Variants in ZC3H12B observed in about 807,000 individuals in gnomAD.
The protein encoded by ZC3H12B is probable ribonuclease ZC3H12B.
A neutral mutation model predicts 43.9 loss-of-function variants in ZC3H12B; 7 were observed. That is an observed-to-expected ratio of 0.16 (90% CI 0.09 to 0.30). The LOEUF (loss-of-function observed/expected upper bound fraction) is 0.30, where lower values mean the gene tolerates loss of function less well. Ranked by LOEUF, ZC3H12B falls within the 10% of genes least tolerant of loss-of-function variation. The pLI is 1.00. For missense variants in ZC3H12B, 475 were observed against 670.2 expected (o/e 0.71, Z 3.22); for synonymous variants, 222 against 241.7 (o/e 0.92, Z 0.76).
chrX:65,098,260 A>AC, the ZC3H12B span, among the ~76,000 whole-genome samples: 1 of 109,391 alleles, frequency 9.1e-6, no homozygotes, highest in African/African-American at 3.4e-5. Flanking sequence ...ACACACACAC[A>AC]ACTGGAACAG....
At chrX:65,394,750 G>A (rs746115698) in intron 2 of ZC3H12B, among the ~76,000 whole-genome samples, 3 of 111,951 alleles carry the variant, frequency 2.7e-5, no homozygotes, top group African/African-American at 9.7e-5. Flanking sequence ...AAAGTCAATG[G>A]TAGCTTGATG....
the ZC3H12B span, among the ~76,000 whole-genome samples, chrX:65,321,554 A>T: frequency 2.7e-5 from 3 of 111,428 alleles, no homozygotes; most frequent in African/African-American, 9.8e-5. Flanking sequence ...TACTGTGTAT[A>T]TGCCCCCAAA....
At chrX:65,328,804 T>C in the ZC3H12B span, among the ~76,000 whole-genome samples, 4 of 103,510 alleles carry the variant, frequency 3.9e-5, no homozygotes, top group Non-Finnish European at 7.9e-5. Flanking sequence ...CGGTGTTTGG[T>C]TTTTTGTCCT....
chrX:65,500,133 C>T, intron 4 of ZC3H12B, 144 bp downstream of exon 9: 1 of 477,978 alleles, frequency 2.1e-6, no homozygotes, highest in Non-Finnish European at 3.7e-6. Context: ...TCTTCGTGTA[C>T]ACTGTTAGGT....
the ZC3H12B span, among the ~76,000 whole-genome samples, chrX:65,081,927 G>A: frequency 8.9e-6 from 1 of 111,884 alleles, no homozygotes; most frequent in African/African-American, 3.2e-5. Flanking sequence ...AACATCTTCT[G>A]TGACCACAAT....
the ZC3H12B span, among the ~76,000 whole-genome samples, chrX:65,139,650 T>G: frequency 8.9e-6 from 1 of 111,752 alleles, no homozygotes; most frequent in African/African-American, 3.2e-5. Context: ...AGGGATTACA[T>G]TGAATATATA....
intron 3 of ZC3H12B, among the ~76,000 whole-genome samples, chrX:65,404,618 T>C (rs2066800986): frequency 2.7e-5 from 3 of 111,824 alleles, no homozygotes; most frequent in Admixed American, 1.9e-4. Flanking sequence ...AAAGTTACTA[T>C]ATAATGATAA....
At chrX:65,166,032 TTCTTTTTC>T in the ZC3H12B span, among the ~76,000 whole-genome samples, 1 of 101,723 alleles carries the variant, frequency 9.8e-6, no homozygotes, top group African/African-American at 4.8e-5. Flanking sequence ...TGATTTGTAT[TTCTTTTTC>T]TTTCTTTCTT....
the ZC3H12B span, among the ~76,000 whole-genome samples, chrX:65,144,461 A>G: frequency 1.8e-5 from 2 of 110,755 alleles, no homozygotes; most frequent in Non-Finnish European, 3.8e-5. Context: ...TTTTTGTTTC[A>G]ATTTTATTTA....
intron 2 of ZC3H12B, among the ~76,000 whole-genome samples, chrX:65,394,710 T>A (rs1372290991): frequency 8.9e-6 from 1 of 112,107 alleles, no homozygotes; most frequent in African/African-American, 3.2e-5. Flanking sequence ...CCATATTAAA[T>A]TTAAAGTAGT....
At chrX:65,454,298 G>A (rs933957783) in intron 3 of ZC3H12B, among the ~76,000 whole-genome samples, 4 of 112,298 alleles carry the variant, frequency 3.6e-5, no homozygotes, top group African/African-American at 9.7e-5. Context: ...GTGCTTTTCC[G>A]ACGGTCTTAG....
chrX:65,461,558 G>T (rs188083668), intron 3 of ZC3H12B, among the ~76,000 whole-genome samples: 2 of 111,741 alleles, frequency 1.8e-5, no homozygotes, highest in African/African-American at 3.3e-5. Context: ...TGTAGGGACA[G>T]GGATGAAGCT....
chrX:65,077,075 A>G, the ZC3H12B span, among the ~76,000 whole-genome samples: 1 of 111,751 alleles, frequency 8.9e-6, no homozygotes, highest in Non-Finnish European at 1.9e-5. Flanking sequence ...TTAGGTTTAG[A>G]ATATAGGTTC....
the ZC3H12B span, among the ~76,000 whole-genome samples, chrX:65,263,861 A>G: frequency 1.8e-5 from 2 of 111,514 alleles, no homozygotes; most frequent in Non-Finnish European, 3.8e-5. Flanking sequence ...ACCTGCACAC[A>G]TATGTTTATC....
the ZC3H12B span, among the ~76,000 whole-genome samples, chrX:65,123,610 A>G: frequency 9.3e-6 from 1 of 107,255 alleles, no homozygotes; most frequent in Non-Finnish European, 1.9e-5. Flanking sequence ...CCCATCCATG[A>G]GCATAGGATG....
chrX:65,456,549 C>T (rs1277407670), intron 3 of ZC3H12B, among the ~76,000 whole-genome samples: 2 of 105,793 alleles, frequency 1.9e-5, no homozygotes. Context: ...CCTGATTCTC[C>T]TGCCTCAGCC....
At chrX:65,159,752 A>G in the ZC3H12B span, among the ~76,000 whole-genome samples, 1 of 111,780 alleles carries the variant, frequency 8.9e-6, no homozygotes, top group African/African-American at 3.2e-5. Flanking sequence ...AATAACCTTT[A>G]TTTCCTTCTC....
chrX:65,179,354 T>A, the ZC3H12B span, among the ~76,000 whole-genome samples: 2 of 109,095 alleles, frequency 1.8e-5, no homozygotes, highest in African/African-American at 6.7e-5. Context: ...TGTGTATACC[T>A]ATGTAACAAA....
the ZC3H12B span, among the ~76,000 whole-genome samples, chrX:65,301,066 C>A: frequency 9.1e-6 from 1 of 110,003 alleles, no homozygotes; most frequent in Non-Finnish European, 1.9e-5. Context: ...AAATGGCCAA[C>A]AAACATATTT....
Sources: allele counts gnomAD v4.1 joint callset (sites outside exome capture counted in the v4.1 genomes callset), GRCh38; gene constraint gnomAD v4.1.1; transcripts MANE v1.5; gene names NCBI Gene and HGNC (gene_info 2026-07-23, HGNC 2026-07-21).